CSMD1: variants seen among roughly 807,000 people sequenced by gnomAD.
The protein encoded by CSMD1 is CUB and sushi domain-containing protein 1.
Under a neutral mutation model 417.5 loss-of-function variants are expected in CSMD1, and 213 were observed. The ratio of observed to expected loss-of-function variants is 0.51; its 90% CI spans 0.46 to 0.57. The LOEUF (loss-of-function observed/expected upper bound fraction) is 0.57. Ranked by LOEUF, CSMD1 falls within the 20% of genes least tolerant of loss-of-function variation. The pLI is 0.00. For synonymous variants in CSMD1, 2,862 were observed against 1,736.8 expected (o/e 1.65, Z -16.11); for missense variants, 6,923 against 4,529.7 (o/e 1.53, Z -15.17).
chr8:3,362,124 G>T (rs1056647492), intron 20 of CSMD1, among the ~76,000 whole-genome samples: 7 of 151,970 alleles, frequency 4.6e-5, no homozygotes, highest in Admixed American at 2.0e-4. Flanking sequence ...GCGTTACACG[G>T]TCAATCTTAA....
rs192911680 is a variant in CSMD1 at position 3,203,363 on chromosome 8, G to T, written c.4985-1638C>A. Among the ~76,000 whole-genome samples the T allele has an allele frequency of 4.7e-4, 71 of 152,270 alleles. 1 individual carries two copies. The highest frequency in any genetic ancestry group is 1.7e-3 in the African/African-American group (69 of 41,568). ...GTGAGCAAACTCAATTGCCAAGAGA[G>T]AAAAGCTGTTCACTGCTATCTACGC... On this transcript the variant is annotated intron_variant, in intron 31 of 69. Transcript: ENST00000635120.
At chr8:2,952,125 G>C (rs917426912) in intron 65 of CSMD1, among the ~76,000 whole-genome samples, 1 of 152,162 alleles carries the variant, frequency 6.6e-6, no homozygotes, top group Admixed American at 6.6e-5. Flanking sequence ...GTGAATTGTA[G>C]TGTATAAATT....
At chr8:4,050,066 G>C (rs1166998332) in intron 3 of CSMD1, among the ~76,000 whole-genome samples, 2 of 152,138 alleles carry the variant, frequency 1.3e-5, no homozygotes, top group South Asian at 2.1e-4. Context: ...TGTGGAACTT[G>C]TCTGGTGTTT....
At chr8:4,257,472 A>G (rs2128837297) in intron 3 of CSMD1, among the ~76,000 whole-genome samples, 1 of 152,290 alleles carries the variant, frequency 6.6e-6, no homozygotes, top group African/African-American at 2.4e-5. Context: ...TAGTTTTAAG[A>G]ATGCATATAT....
chr8:3,223,514 A>T (rs923537771), intron 28 of CSMD1, among the ~76,000 whole-genome samples: 1 of 152,204 alleles, frequency 6.6e-6, no homozygotes, highest in Admixed American at 6.5e-5. Flanking sequence ...AACAGTATTT[A>T]AAAATAATTC....
intron 1 of CSMD1, among the ~76,000 whole-genome samples, chr8:4,678,815 G>C (rs1323656417): frequency 6.6e-6 from 1 of 152,202 alleles, no homozygotes; most frequent in African/African-American, 2.4e-5. Context: ...TATGTAGCAA[G>C]GGTGTGGTTT....
chr8:4,282,312 G>A (rs1475624856), intron 3 of CSMD1, among the ~76,000 whole-genome samples: 1 of 152,284 alleles, frequency 6.6e-6, no homozygotes, highest in African/African-American at 2.4e-5. Flanking sequence ...GAACACTGGA[G>A]CACGCCCAAG....
chr8:4,091,545 C>T (rs2130848741), intron 3 of CSMD1, among the ~76,000 whole-genome samples: 1 of 152,282 alleles, frequency 6.6e-6, no homozygotes, highest in East Asian at 1.9e-4. Context: ...CTCAGCAATG[C>T]AAACGTGGCC....
chr8:3,809,363 C>A (rs775021225), intron 5 of CSMD1, among the ~76,000 whole-genome samples: 5 of 152,180 alleles, frequency 3.3e-5, no homozygotes, highest in Non-Finnish European at 5.9e-5. Context: ...TTGTTTATCA[C>A]TGTTCTACTC....
chr8:4,105,553 C>CGACAAAT (rs1459272007), intron 3 of CSMD1, among the ~76,000 whole-genome samples: 1 of 152,046 alleles, frequency 6.6e-6, no homozygotes, highest in Non-Finnish European at 1.5e-5. Context: ...TTAAAAAATA[C>CGACAAAT]GACAAATAAG....
chr8:3,853,618 G>A (rs1804067992), intron 5 of CSMD1, among the ~76,000 whole-genome samples: 1 of 151,880 alleles, frequency 6.6e-6, no homozygotes, highest in Non-Finnish European at 1.5e-5. Context: ...AAAAGAAGGA[G>A]ACCTTGTGCC....
intron 1 of CSMD1, among the ~76,000 whole-genome samples, chr8:4,829,939 GA>G (rs1800054739): frequency 6.6e-6 from 1 of 152,060 alleles, no homozygotes; most frequent in Non-Finnish European, 1.5e-5. Flanking sequence ...TTCTGATGTA[GA>G]AAGAAAACAC....
intron 3 of CSMD1, among the ~76,000 whole-genome samples, chr8:4,302,753 G>A (rs946110916): frequency 2.0e-5 from 3 of 152,008 alleles, no homozygotes; most frequent in African/African-American, 7.2e-5. Context: ...GTTTTTTACT[G>A]ACCCCAACTG....
chr8:4,674,018 G>A (rs1805517620), intron 1 of CSMD1, among the ~76,000 whole-genome samples: 1 of 152,138 alleles, frequency 6.6e-6, no homozygotes, highest in Non-Finnish European at 1.5e-5. Flanking sequence ...AAATCTTACG[G>A]TATGAGAAGT....
intron 27 of CSMD1, among the ~76,000 whole-genome samples, chr8:3,228,602 A>T (rs1399296986): frequency 6.6e-6 from 1 of 152,182 alleles, no homozygotes; most frequent in Non-Finnish European, 1.5e-5. Context: ...AAAATAAAGT[A>T]ACTAAGAGAT....
At position 4,080,690 on chromosome 8, in the gene CSMD1, C is replaced by T. The variant is rs542468382; in HGVS notation, c.416-48591G>A. 4.1e-4 allele frequency among the ~76,000 whole-genome samples: 62 copies of T among 152,206 alleles called. No homozygotes were observed. The South Asian group carries it at 6.2e-3, about 15-fold the overall frequency. ...ACAGAATCACTGAAAATGGGTATTTCTTCAGTGAAGACTATTCTTTCATTT... is the reference window on the plus strand; with the variant it reads ...ACAGAATCACTGAAAATGGGTATTTTTTCAGTGAAGACTATTCTTTCATTT... On this transcript the variant is annotated intron_variant, in intron 3 of 69. Coordinates refer to ENST00000635120, the MANE Select transcript of CSMD1 (RefSeq NM_033225.6).
At chr8:3,661,730 C>CA (rs1284663271) in intron 7 of CSMD1, among the ~76,000 whole-genome samples, 2 of 152,114 alleles carry the variant, frequency 1.3e-5, no homozygotes, top group Non-Finnish European at 2.9e-5. Context: ...CTCCTGACCT[C>CA]AAGTGATTCA....
intron 3 of CSMD1, among the ~76,000 whole-genome samples, chr8:4,147,521 C>T (rs772563176): frequency 4.6e-5 from 7 of 152,192 alleles, no homozygotes; most frequent in Non-Finnish European, 1.0e-4. Context: ...TCCATTAGAG[C>T]CCTCCTCCTT....
At chr8:4,826,697 C>T (rs1341257258) in intron 1 of CSMD1, among the ~76,000 whole-genome samples, 1 of 152,094 alleles carries the variant, frequency 6.6e-6, no homozygotes, top group African/African-American at 2.4e-5. Flanking sequence ...AGCTCCTTTC[C>T]CTGCGCTCTG....
Sources: allele counts gnomAD v4.1 joint callset (sites outside exome capture counted in the v4.1 genomes callset), GRCh38; gene constraint gnomAD v4.1.1; transcripts MANE v1.5; gene names NCBI Gene and HGNC (gene_info 2026-07-23, HGNC 2026-07-21).